Variants in TST observed in about 807,000 individuals in gnomAD.
TST encodes thiosulfate sulfurtransferase.
A neutral mutation model predicts 20.4 loss-of-function variants in TST; 22 were observed. The observed-to-expected ratio is 1.08, with a 90% CI of 0.77 to 1.54. The LOEUF is 1.54. Among genes scored for constraint, TST ranks in the 40% most tolerant of loss-of-function variants. TST has a pLI of 0.00. For synonymous variants in TST, 187 were observed against 173.8 expected (o/e 1.08, Z -0.60); for missense variants, 392 against 405.2 (o/e 0.97, Z 0.28).
chr22:37,012,378 G>A (rs1298365514), intron 2 of TST, among the ~76,000 whole-genome samples: 2 of 152,206 alleles, frequency 1.3e-5, no homozygotes, highest in Non-Finnish European at 2.9e-5. Flanking sequence ...GGGCAAAGGG[G>A]AAAGCCATGG....
At position 37,011,297 on chromosome 22, in the gene TST, G is replaced by C. The variant is rs375560772; in HGVS notation, c.624C>G (p.Ala208=). 66 of 1,613,466 alleles carry C rather than the reference G, an allele frequency of 4.1e-5. No homozygotes were observed. The highest frequency in any genetic ancestry group is 5.3e-5 in the Non-Finnish European group (62 of 1,179,722). ...VGLDSGHIRG[A]VNMPFMDFLT... ...GGAAGTCCATGAAAGGCATGTTGAC[G>C]GCACCACGGATATGGCCCGAGTCCA... The change falls in exon 3 of 3, where the codon GCC becomes GCG. Residue 208 remains alanine (A), a synonymous_variant. Coordinates refer to ENST00000249042, the MANE Select transcript of TST (RefSeq NM_003312.6).
Position 37,018,298 on chromosome 22 carries a change from G to C in TST, c.435C>G (p.Pro145=), listed in dbSNP as rs1445881229. ...TGAAGACGGCCGGTTCTGGGCGTGAGGGCTCGGATGTCACCGGGTGGCCCT... is the reference window on the plus strand; with the variant it reads ...TGAAGACGGCCGGTTCTGGGCGTGACGGCTCGGATGTCACCGGGTGGCCCT... The part of the protein sequence containing the change: ...LKEGHPVTSE[P]SRPEPAVFKA... The change falls in exon 2 of 3, where the codon CCC becomes CCG. Residue 145 remains proline (P), a synonymous_variant. Transcript: ENST00000249042. 1 of 1,614,072 alleles carries C rather than the reference G, an allele frequency of 6.2e-7. No individual in the cohort carries two copies.
chr22:37,019,672 G>T, upstream of TST: 1 of 352,046 alleles, frequency 2.8e-6, no homozygotes, highest in Middle Eastern at 7.7e-4. Flanking sequence ...GGCGGAGCGG[G>T]CGTACCCCCA....
intron 2 of TST, among the ~76,000 whole-genome samples, chr22:37,017,211 G>A (rs548209638): frequency 4.6e-5 from 7 of 152,270 alleles, no homozygotes; most frequent in East Asian, 1.9e-4. Context: ...GAAGACCTCC[G>A]AGGTTCTGTC....
chr22:37,016,343 G>A (rs1922681300), intron 2 of TST, among the ~76,000 whole-genome samples: 1 of 152,100 alleles, frequency 6.6e-6, no homozygotes, highest in South Asian at 2.1e-4. Context: ...CAAGCAACTG[G>A]ACTGAGGTCA....
chr22:37,016,513 TCA>T (rs557531904), intron 2 of TST, among the ~76,000 whole-genome samples: 139 of 152,278 alleles, frequency 9.1e-4, no homozygotes, highest in Admixed American at 6.5e-3. Context: ...CCTCTGAGCC[TCA>T]GTTTCCTCAT....
At chr22:37,019,949 C>G, upstream of TST, 1 of 704,526 alleles carries the variant, frequency 1.4e-6, no homozygotes, top group South Asian at 7.2e-5. Flanking sequence ...GCGCGGGGCT[C>G]CCGCGCGGGA....
chr22:37,011,944 G>A (rs907068685), intron 2 of TST, among the ~76,000 whole-genome samples: 1 of 152,172 alleles, frequency 6.6e-6, no homozygotes, highest in East Asian at 1.9e-4. Flanking sequence ...GGATTACATC[G>A]GGGCCTCTGG....
rs569415188 is a variant in TST, at chr22:37,014,643, G to A, written c.596-3318C>T. Among the ~76,000 whole-genome samples the A allele has an allele frequency of 9.9e-5, 15 of 152,260 alleles. No homozygotes were observed. In the South Asian group the frequency reaches 1.2e-3, roughly 13 times the overall value. Reference sequence around the variant, plus strand: ...AGCCCAGGCTCAGAGAGGTGATGTCGCTTGCCTCAGGACACACAGCAAAGG... The same window carrying A: ...AGCCCAGGCTCAGAGAGGTGATGTCACTTGCCTCAGGACACACAGCAAAGG... On this transcript the variant is annotated intron_variant, in intron 2 of 2. Coordinates refer to ENST00000249042, the MANE Select transcript of TST (RefSeq NM_003312.6).
chr22:37,010,939 A>G lies in TST; in HGVS notation c.*88T>C. 1 of 1,503,188 alleles carries G rather than the reference A, an allele frequency of 6.7e-7. No individual in the cohort carries two copies. Among genetic ancestry groups the G allele is most frequent in the Non-Finnish European group, 9.0e-7 (1 of 1,116,312 alleles). The allele number at this position is 1,503,188 out of a possible 1,614,324, so 93.1% of individuals were successfully genotyped here. On this transcript the variant is annotated 3_prime_UTR_variant, in exon 3 of 3. Coordinates refer to ENST00000249042, the MANE Select transcript of TST (RefSeq NM_003312.6). The stretch of plus-strand genomic sequence containing the variant: ...TGCACAGCAATTCTAAAAACATGTC[A>G]TCTCCTTCACCTAAGAGGTAAGAAC...
chr22:37,018,399 C>A lies in TST; in HGVS notation c.334G>T (p.Val112Phe), dbSNP rs752059730. ...EHLGSFYAPR[V>F]WWMFRVFGHR... ...CCAAACACACGGAACATCCACCAGA[C>A]CCGGGGAGCATAGAAGCTGCCCAGG... The change falls in exon 2 of 3, where the codon GTC becomes TTC. Residue 112 changes from valine to phenylalanine, a missense_variant. By Grantham distance (50) the Val-to-Phe change is conservative. Transcript: ENST00000249042. The A allele has an allele frequency of 1.2e-5, 19 of 1,613,750 alleles. No individual in the cohort carries two copies. The highest frequency in any genetic ancestry group is 1.6e-5 in the Non-Finnish European group (19 of 1,180,030).
intron 2 of TST, among the ~76,000 whole-genome samples, chr22:37,016,309 TATG>T (rs1806770860): frequency 6.6e-6 from 1 of 152,112 alleles, no homozygotes; most frequent in South Asian, 2.1e-4. Context: ...CTTCTCATTT[TATG>T]ATAAGGAAAC....
chr22:37,018,412 G>C lies in TST; in HGVS notation c.321C>G (p.Phe107Leu), dbSNP rs781669853. ...ACATCCACCAGACCCGGGGAGCATA[G>C]AAGCTGCCCAGGTGTTCACCATCAT... is the stretch of plus-strand genomic sequence containing the variant. Reference protein sequence around the residue: ...VVYDGEHLGSFYAPRVWWMFR... With the variant: ...VVYDGEHLGSLYAPRVWWMFR... The change falls in exon 2 of 3, where the codon TTC becomes TTG. Residue 107 changes from phenylalanine to leucine, a missense_variant. Coordinates refer to ENST00000249042, the MANE Select transcript of TST (RefSeq NM_003312.6). 1 of 1,613,808 alleles carries C rather than the reference G, an allele frequency of 6.2e-7. No homozygotes were observed. Among genetic ancestry groups the C allele is most frequent in the Admixed American group, 1.7e-5 (1 of 60,018 alleles).
chr22:37,017,681 G>A (rs924882692), intron 2 of TST, among the ~76,000 whole-genome samples: 1 of 152,234 alleles, frequency 6.6e-6, no homozygotes, highest in African/African-American at 2.4e-5. Flanking sequence ...GGGGAGAGGG[G>A]GATCCTGCGG....
At chr22:37,014,069 G>C (rs1922579954) in intron 2 of TST, among the ~76,000 whole-genome samples, 1 of 135,024 alleles carries the variant, frequency 7.4e-6, no homozygotes, top group African/African-American at 2.9e-5. Context: ...GAACTTTCAA[G>C]AACAGCCAGT....
At chr22:37,011,875 A>G (rs1922491801) in intron 2 of TST, among the ~76,000 whole-genome samples, 1 of 152,206 alleles carries the variant, frequency 6.6e-6, no homozygotes, top group Non-Finnish European at 1.5e-5. Flanking sequence ...GAATCCGCTG[A>G]GTCTTGGCAA....
At chr22:37,011,994 C>G (rs1313973022) in intron 2 of TST, among the ~76,000 whole-genome samples, 2 of 152,232 alleles carry the variant, frequency 1.3e-5, no homozygotes, top group Non-Finnish European at 2.9e-5. Flanking sequence ...AGCAAGTGAC[C>G]TGGTGTCAGA....
chr22:37,017,690 G>C (rs140674852), intron 2 of TST, among the ~76,000 whole-genome samples: 1 of 152,172 alleles, frequency 6.6e-6, no homozygotes, highest in Non-Finnish European at 1.5e-5. Context: ...GGGATCCTGC[G>C]GGGAGGGACA....
intron 2 of TST, among the ~76,000 whole-genome samples, chr22:37,012,919 G>A (rs1416899112): frequency 6.6e-6 from 1 of 152,188 alleles, no homozygotes; most frequent in East Asian, 1.9e-4. Flanking sequence ...GCATGCGCCT[G>A]TAATCCCAGC....
Sources: gnomAD v4.1 joint callset for allele counts (sites outside exome capture counted in the v4.1 genomes callset) on GRCh38, gnomAD v4.1.1 for gene constraint, MANE v1.5 for transcripts, NCBI Gene and HGNC (gene_info 2026-07-23, HGNC 2026-07-21) for gene names.